GLRB: variants seen among roughly 807,000 people sequenced by gnomAD.
The protein encoded by GLRB is glycine receptor subunit beta.
A neutral mutation model predicts 54.2 loss-of-function variants in GLRB; 33 were observed. The ratio of observed to expected loss-of-function variants is 0.61; its 90% CI spans 0.46 to 0.81. The LOEUF is 0.81. GLRB is among the 40% of genes least tolerant of loss of function. GLRB has a pLI of 0.00. For synonymous variants in GLRB, 209 were observed against 208.2 expected (o/e 1.00, Z -0.03); for missense variants, 572 against 584.6 (o/e 0.98, Z 0.22).
chr4:157,100,740 A>G (rs965749407), intron 2 of GLRB, among the ~76,000 whole-genome samples: 2 of 152,234 alleles, frequency 1.3e-5, no homozygotes, highest in African/African-American at 4.8e-5. Flanking sequence ...GTAGACATTT[A>G]CTTTCAGCTT....
At position 157,097,929 on chromosome 4, in the gene GLRB, G is replaced by A. The variant is rs1734873718; in HGVS notation, c.122+19783G>A. On this transcript the variant is annotated intron_variant, in intron 2 of 9. Coordinates refer to ENST00000264428, the MANE Select transcript of GLRB (RefSeq NM_000824.5). ...CCAGCTCCTTGGGAGGCTGAGGCAG[G>A]AGAATCTCTTGAACCTGGGAGGCGG... is the stretch of plus-strand genomic sequence containing the variant. 2.0e-5 allele frequency among the ~76,000 whole-genome samples: 3 copies of A among 152,280 alleles called. No homozygotes were observed. In the South Asian group the frequency reaches 6.2e-4, roughly 32 times the overall value.
intron 2 of GLRB, among the ~76,000 whole-genome samples, chr4:157,118,208 G>A (rs2126524392): frequency 6.6e-6 from 1 of 151,732 alleles, no homozygotes; most frequent in South Asian, 2.1e-4. Flanking sequence ...TTGTTTAGAA[G>A]GAATGTACTT....
At chr4:157,141,278 G>A (rs1467892734) in intron 7 of GLRB, among the ~76,000 whole-genome samples, 1 of 151,772 alleles carries the variant, frequency 6.6e-6, no homozygotes, top group Non-Finnish European at 1.5e-5. Flanking sequence ...TCAGGGACTT[G>A]ATCAGTACTT....
intron 4 of GLRB, among the ~76,000 whole-genome samples, chr4:157,125,126 T>A (rs922018280): frequency 1.3e-5 from 2 of 151,766 alleles, no homozygotes; most frequent in Non-Finnish European, 2.9e-5. Context: ...TAAACAATGG[T>A]CAGAAAATAA....
At chr4:157,139,378 A>T (rs1180602285) in intron 7 of GLRB, among the ~76,000 whole-genome samples, 1 of 152,098 alleles carries the variant, frequency 6.6e-6, no homozygotes. Flanking sequence ...CTTAATTTTA[A>T]AAAGCATTGA....
chr4:157,081,492 CTG>C (rs1216130246), intron 2 of GLRB, among the ~76,000 whole-genome samples: 1 of 152,198 alleles, frequency 6.6e-6, no homozygotes, highest in Non-Finnish European at 1.5e-5. Flanking sequence ...TGAATAATCA[CTG>C]TATTAAGAGT....
chr4:157,160,713 C>G (rs1737448657), intron 9 of GLRB, among the ~76,000 whole-genome samples: 1 of 151,902 alleles, frequency 6.6e-6, no homozygotes, highest in African/African-American at 2.4e-5. Context: ...GTTATAATTT[C>G]TGTTCTTTTA....
chr4:157,131,751 C>T (rs983906168), intron 4 of GLRB, among the ~76,000 whole-genome samples: 2 of 151,798 alleles, frequency 1.3e-5, no homozygotes, highest in Admixed American at 6.6e-5. Context: ...CTTCTCATGG[C>T]TTGATTGTTC....
rs1734061092 is a variant in GLRB, at chr4:157,076,981, G to GC, written c.-30+684_-30+685insC. 1.1e-4 allele frequency among the ~76,000 whole-genome samples: 11 copies of GC among 96,768 alleles called. 1 individual carries two copies. The highest frequency in any genetic ancestry group is 4.7e-4 in the Admixed American group (4 of 8,526). The allele number at this position is 96,768 out of a possible 152,430, so 63.5% of individuals were successfully genotyped here. A position where few individuals can be genotyped will look rare whatever the true frequency, so the allele number is the denominator to read the frequency against. On this transcript the variant is annotated intron_variant, in intron 1 of 9. Transcript: ENST00000264428. ...ATGGGGGGAAGAATCCTGGGGGGGG[G>GC]GGGGGAAGATGAAAAACATGACATA...
At chr4:157,144,443 C>A (rs1736734559) in intron 8 of GLRB, among the ~76,000 whole-genome samples, 1 of 152,126 alleles carries the variant, frequency 6.6e-6, no homozygotes, top group Admixed American at 6.6e-5. Context: ...GGTTGCCTGT[C>A]CCTTGAGGGC....
At chr4:157,158,229 T>C (rs535478355) in intron 9 of GLRB, among the ~76,000 whole-genome samples, 30 of 152,330 alleles carry the variant, frequency 2.0e-4, no homozygotes, top group African/African-American at 7.2e-4. Context: ...TCCCGGATAT[T>C]AGCCCTTTGT....
intron 4 of GLRB, among the ~76,000 whole-genome samples, chr4:157,130,579 C>T (rs572241704): frequency 6.6e-6 from 1 of 151,402 alleles, no homozygotes; most frequent in Non-Finnish European, 1.5e-5. Context: ...AATTTCATTC[C>T]TTTTTTATGG....
chr4:157,123,140 T>G (rs1207398959), intron 4 of GLRB, among the ~76,000 whole-genome samples: 2 of 151,772 alleles, frequency 1.3e-5, no homozygotes, highest in African/African-American at 2.4e-5. Context: ...AATATTAAAT[T>G]TGTGCTCTTT....
chr4:157,167,562 A>C (rs1431411224), intron 9 of GLRB, among the ~76,000 whole-genome samples: 3 of 152,090 alleles, frequency 2.0e-5, no homozygotes, highest in African/African-American at 4.8e-5. Context: ...AATTCAACTT[A>C]GATAAATGGG....
chr4:157,097,296 G>A (rs1031683097), intron 2 of GLRB, among the ~76,000 whole-genome samples: 5 of 152,108 alleles, frequency 3.3e-5, no homozygotes, highest in African/African-American at 1.2e-4. Context: ...AGGTTACTGT[G>A]AATTGGTTAT....
chr4:157,151,797 AG>A (rs765576307), intron 8 of GLRB, among the ~76,000 whole-genome samples: 1 of 152,170 alleles, frequency 6.6e-6, no homozygotes, highest in East Asian at 1.9e-4. Context: ...AAATCTAAGA[AG>A]AAAAAATTAT....
rs565091815 is a variant in GLRB at position 157,162,154 on chromosome 4, G to C, written c.1198-8278G>C. On this transcript the variant is annotated intron_variant, in intron 9 of 9. Transcript: ENST00000264428. The stretch of plus-strand genomic sequence containing the variant: ...CTGAAGCTTGTGAATGCATCACGTA[G>C]TTCTCGTGCCATGGTTTTCAGCTCC... Among the ~76,000 whole-genome samples the C allele has an allele frequency of 8.5e-5, 13 of 152,270 alleles. No homozygotes were observed. The South Asian group carries it at 1.2e-3, about 15-fold the overall frequency.
chr4:157,158,990 G>A lies in GLRB; in HGVS notation c.1197+5980G>A, dbSNP rs570665718. On this transcript the variant is annotated intron_variant, in intron 9 of 9. Transcript: ENST00000264428. ...ATGGAATGTTCTTCCATTTGTTTGTGTCCTCTTTTATTTCGTTGAGCAGTA... is the reference window on the plus strand; with the variant it reads ...ATGGAATGTTCTTCCATTTGTTTGTATCCTCTTTTATTTCGTTGAGCAGTA... Among the ~76,000 whole-genome samples the A allele has an allele frequency of 5.3e-5, 8 of 152,120 alleles. 1 individual carries two copies. The South Asian group carries it at 1.7e-3, about 32-fold the overall frequency.
chr4:157,149,636 T>A (rs1037375493), intron 8 of GLRB, among the ~76,000 whole-genome samples: 9 of 152,216 alleles, frequency 5.9e-5, no homozygotes, highest in Middle Eastern at 6.8e-3. Context: ...GTAGTACTTT[T>A]AAATGAATTT....
Sources: gnomAD v4.1 joint callset for allele counts (sites outside exome capture counted in the v4.1 genomes callset) on GRCh38, gnomAD v4.1.1 for gene constraint, MANE v1.5 for transcripts, NCBI Gene and HGNC (gene_info 2026-07-23, HGNC 2026-07-21) for gene names.